SLC39A11: variants seen among roughly 807,000 people sequenced by gnomAD.
SLC39A11 encodes the protein solute carrier family 39 member 11, also known as zinc transporter ZIP11.
SLC39A11 carries 33 observed loss-of-function variants against 36.1 expected under a neutral mutation model. That is an observed-to-expected ratio of 0.91 (90% CI 0.69 to 1.22). SLC39A11 has a LOEUF of 1.22. Among genes scored for constraint, SLC39A11 ranks in the 50% most tolerant of loss-of-function variants. The pLI, the probability that SLC39A11 is intolerant of heterozygous loss-of-function variation, is 0.00. For synonymous variants in SLC39A11, 166 were observed against 170.3 expected (o/e 0.97, Z 0.20); for missense variants, 432 against 430.3 (o/e 1.00, Z -0.03).
intron 7 of SLC39A11, among the ~76,000 whole-genome samples, chr17:72,677,396 T>C (rs1019000162): frequency 1.3e-5 from 2 of 152,202 alleles, no homozygotes; most frequent in African/African-American, 4.8e-5. Flanking sequence ...GGCCAACATC[T>C]GGTCAGATGC....
intron 6 of SLC39A11, among the ~76,000 whole-genome samples, chr17:72,762,012 C>T (rs146590566): frequency 7.6e-4 from 116 of 152,244 alleles, no homozygotes; most frequent in African/African-American, 2.7e-3. Flanking sequence ...CTAGAGTACA[C>T]GAGAGATAAT....
intron 4 of SLC39A11, among the ~76,000 whole-genome samples, chr17:72,986,559 A>G (rs574472567): frequency 6.6e-6 from 1 of 152,308 alleles, no homozygotes; most frequent in South Asian, 2.1e-4. Flanking sequence ...ACCCCCAGCT[A>G]GCCCGAGGGG....
intron 5 of SLC39A11, among the ~76,000 whole-genome samples, chr17:72,869,156 T>C (rs992600734): frequency 7.2e-5 from 11 of 152,078 alleles, no homozygotes; most frequent in African/African-American, 2.7e-4. Context: ...CATCCCCAAA[T>C]AAACGAGCCC....
In SLC39A11 at chr17:72,883,983, TG is replaced by T. The variant is rs759807026; in HGVS notation, c.431-34180del. ...CAGCCTGGAAAACATGGCAAAACTCTGTCTCTACAAAAAATACAAAAGTTAG... is the reference window on the plus strand; with the variant it reads ...CAGCCTGGAAAACATGGCAAAACTCTTCTCTACAAAAAATACAAAAGTTAG... On this transcript the variant is annotated intron_variant, in intron 5 of 9. Transcript: ENST00000255559. Among the ~76,000 whole-genome samples the T allele has an allele frequency of 2.6e-5, 4 of 152,230 alleles. No homozygotes were observed. In the East Asian group the frequency reaches 7.7e-4, roughly 29 times the overall value.
intron 5 of SLC39A11, among the ~76,000 whole-genome samples, chr17:72,916,573 T>C (rs913880210): frequency 6.6e-6 from 1 of 152,010 alleles, no homozygotes; most frequent in African/African-American, 2.4e-5. Context: ...CAGGCCTACA[T>C]CCTCCTTCTG....
At chr17:72,956,383 T>C (rs1011517927) in intron 4 of SLC39A11, among the ~76,000 whole-genome samples, 7 of 152,214 alleles carry the variant, frequency 4.6e-5, no homozygotes, top group Non-Finnish European at 2.9e-5. Flanking sequence ...AATCTGCAGA[T>C]AGCCCTCCAG....
chr17:73,035,811 C>A (rs1409016660), intron 3 of SLC39A11, among the ~76,000 whole-genome samples: 3 of 136,040 alleles, frequency 2.2e-5, no homozygotes, highest in Non-Finnish European at 4.5e-5. Flanking sequence ...TTGCAGCGAG[C>A]CAAGATCGCA....
chr17:72,988,957 T>C (rs142398448), intron 4 of SLC39A11, among the ~76,000 whole-genome samples: 1 of 152,286 alleles, frequency 6.6e-6, no homozygotes, highest in Non-Finnish European at 1.5e-5. Context: ...ACGCCTGTCA[T>C]CCGAGCACTT....
chr17:72,883,168 T>C (rs1338062700), intron 5 of SLC39A11, among the ~76,000 whole-genome samples: 1 of 152,192 alleles, frequency 6.6e-6, no homozygotes, highest in Non-Finnish European at 1.5e-5. Context: ...CATACTGGCC[T>C]AACATAAGCA....
At chr17:73,070,733 C>T (rs2060138254) in intron 3 of SLC39A11, among the ~76,000 whole-genome samples, 2 of 152,118 alleles carry the variant, frequency 1.3e-5, no homozygotes, top group Admixed American at 6.5e-5. Context: ...TTCCCATGCT[C>T]TTCTCATGAT....
chr17:72,924,792 A>G (rs2083933466), intron 5 of SLC39A11, among the ~76,000 whole-genome samples: 1 of 152,080 alleles, frequency 6.6e-6, no homozygotes, highest in Non-Finnish European at 1.5e-5. Context: ...TCACGAGGTC[A>G]GGAGTTCGAG....
intron 5 of SLC39A11, among the ~76,000 whole-genome samples, chr17:72,927,807 T>TACAC (rs369169261): frequency 1.3e-5 from 2 of 151,148 alleles, no homozygotes; most frequent in Non-Finnish European, 3.0e-5. Flanking sequence ...AGGAAATGTA[T>TACAC]ACACACACAC....
chr17:73,039,962 G>A (rs758146395), intron 3 of SLC39A11, among the ~76,000 whole-genome samples: 16 of 152,242 alleles, frequency 1.1e-4, no homozygotes, highest in Admixed American at 2.0e-4. Flanking sequence ...GAAATTCTGC[G>A]GGCTACAGAG....
chr17:73,004,167 G>GAAAGAAAGAA (rs1568105065), intron 4 of SLC39A11, among the ~76,000 whole-genome samples: 1 of 43,980 alleles, frequency 2.3e-5, no homozygotes, highest in African/African-American at 9.0e-5. Context: ...AGGAAAAAAA[G>GAAAGAAAGAA]AAAGAAAGAA....
intron 6 of SLC39A11, among the ~76,000 whole-genome samples, chr17:72,811,199 G>C (rs945340584): frequency 6.6e-6 from 1 of 152,114 alleles, no homozygotes; most frequent in Non-Finnish European, 1.5e-5. Context: ...TTCATTGTCT[G>C]GGAGGGTGCA....
At chr17:72,928,940 C>A (rs750061994) in intron 5 of SLC39A11, among the ~76,000 whole-genome samples, 1 of 152,178 alleles carries the variant, frequency 6.6e-6, no homozygotes, top group African/African-American at 2.4e-5. Context: ...AGTAGGAAGT[C>A]GAATGTTAAA....
At chr17:72,992,530 A>G (rs901744971) in intron 4 of SLC39A11, among the ~76,000 whole-genome samples, 3 of 152,112 alleles carry the variant, frequency 2.0e-5, no homozygotes, top group Admixed American at 1.3e-4. Context: ...CTTTTCATTG[A>G]TTTGTGGAAG....
intron 4 of SLC39A11, among the ~76,000 whole-genome samples, chr17:73,008,819 T>G (rs1386929999): frequency 2.0e-5 from 3 of 147,166 alleles, no homozygotes; most frequent in Non-Finnish European, 4.5e-5. Context: ...TTTGGGAGGC[T>G]GATGTGGAAG....
At chr17:72,842,101 T>TGTGTGTGTGC (rs1038886075) in intron 6 of SLC39A11, among the ~76,000 whole-genome samples, 3 of 150,938 alleles carry the variant, frequency 2.0e-5, no homozygotes, top group Admixed American at 6.6e-5. Flanking sequence ...TGTGTGTGTG[T>TGTGTGTGTGC]GCACGCACGC....
Sources: allele counts gnomAD v4.1 joint callset (sites outside exome capture counted in the v4.1 genomes callset), GRCh38; gene constraint gnomAD v4.1.1; transcripts MANE v1.5; gene names NCBI Gene and HGNC (gene_info 2026-07-23, HGNC 2026-07-21).